The following CAB39L variants were observed in gnomAD, a reference collection of about 807,000 sequenced individuals.
CAB39L encodes the protein calcium-binding protein 39-like.
A neutral mutation model predicts 39.1 loss-of-function variants in CAB39L; 23 were observed. The observed-to-expected ratio is 0.59, with a 90% CI of 0.42 to 0.83. CAB39L has a LOEUF of 0.83. CAB39L is among the 40% of genes least tolerant of loss of function. CAB39L has a pLI of 0.00. For missense variants in CAB39L, 366 were observed against 391.9 expected (o/e 0.93, Z 0.56); for synonymous variants, 126 against 137.2 (o/e 0.92, Z 0.57).
At chr13:49,320,136 C>A (rs1954301370) in intron 10 of CAB39L, among the ~76,000 whole-genome samples, 1 of 152,122 alleles carries the variant, frequency 6.6e-6, no homozygotes, top group African/African-American at 2.4e-5. Flanking sequence ...CTTGGGGCAG[C>A]CAGGACACTG....
chr13:49,389,747 T>G (rs938531865), intron 3 of CAB39L, among the ~76,000 whole-genome samples: 2 of 152,190 alleles, frequency 1.3e-5, no homozygotes, highest in African/African-American at 2.4e-5. Context: ...TTTATTCCAG[T>G]TTATACTTTC....
At chr13:49,362,559 G>GAA (rs1006522196) in intron 5 of CAB39L, among the ~76,000 whole-genome samples, 1 of 150,986 alleles carries the variant, frequency 6.6e-6, no homozygotes, top group Non-Finnish European at 1.5e-5. Context: ...GGAGACAAAA[G>GAA]AAAAAAGAAT....
chr13:49,321,781 G>A (rs1254542307), intron 10 of CAB39L, among the ~76,000 whole-genome samples: 8 of 152,252 alleles, frequency 5.3e-5, no homozygotes, highest in East Asian at 1.9e-4. Context: ...AAATGGGAAC[G>A]CCTTCTTTCC....
chr13:49,404,599 T>C (rs1041141346), intron 3 of CAB39L, among the ~76,000 whole-genome samples: 4 of 152,200 alleles, frequency 2.6e-5, no homozygotes, highest in Admixed American at 6.5e-5. Flanking sequence ...AAGGAACCAG[T>C]GACCAATTCT....
In CAB39L at chr13:49,310,651, A is replaced by G; in HGVS notation, c.*163T>C. The G allele has an allele frequency of 3.5e-6, 2 of 573,288 alleles. No homozygotes were observed. The highest frequency in any genetic ancestry group is 5.6e-5 in the East Asian group (2 of 35,426). 35.5% of individuals were successfully genotyped at this position (573,288 alleles called of 1,614,324 possible). A position where few individuals can be genotyped will look rare whatever the true frequency, so the allele number is the denominator to read the frequency against. On this transcript the variant is annotated 3_prime_UTR_variant, in exon 11 of 11. Coordinates refer to ENST00000409308, the MANE Select transcript of CAB39L (RefSeq NM_001079670.3). ...AAAATGAATATATTATTCTAGGTTA[A>G]TTTTTTTCCATTCAAATGTTTATAC...
intron 3 of CAB39L, among the ~76,000 whole-genome samples, chr13:49,385,554 G>A (rs988337293): frequency 1.3e-5 from 2 of 152,160 alleles, no homozygotes; most frequent in East Asian, 1.9e-4. Flanking sequence ...GCCTACCTCC[G>A]CTCTGGATAT....
chr13:49,364,555 C>G (rs1426331795), intron 5 of CAB39L, among the ~76,000 whole-genome samples: 2 of 151,988 alleles, frequency 1.3e-5, no homozygotes, highest in African/African-American at 4.8e-5. Flanking sequence ...AAAGACTCCA[C>G]AAAAAAACTA....
intron 3 of CAB39L, among the ~76,000 whole-genome samples, chr13:49,429,645 T>C (rs561045451): frequency 1.3e-5 from 2 of 152,368 alleles, no homozygotes; most frequent in South Asian, 4.1e-4. Flanking sequence ...TAATATAGTT[T>C]AGTTAACTAA....
chr13:49,357,211 G>A (rs1255257679), intron 6 of CAB39L, among the ~76,000 whole-genome samples: 1 of 152,148 alleles, frequency 6.6e-6, no homozygotes, highest in Admixed American at 6.5e-5. Flanking sequence ...GGGATTTAGT[G>A]TCAGATCTGC....
intron 5 of CAB39L, 33 bp from the exon 6 acceptor site, chr13:49,359,865 C>A (rs1387105530): frequency 8.6e-7 from 1 of 1,163,720 alleles, no homozygotes. Flanking sequence ...TTAAATTGTA[C>A]ACTCTAAATG....
At chr13:49,421,194 C>T (rs1048353738) in intron 3 of CAB39L, among the ~76,000 whole-genome samples, 26 of 152,274 alleles carry the variant, frequency 1.7e-4, no homozygotes, top group African/African-American at 5.8e-4. Flanking sequence ...ACTGCCTCCC[C>T]TCTCTGCCCG....
In CAB39L at chr13:49,382,805, C is replaced by A; in HGVS notation, c.106G>T (p.Asp36Tyr). Residue 36 changes from aspartate to tyrosine, a missense_variant, in exon 4 of 11, where the codon GAC becomes TAC. By Grantham distance (160) the Asp-to-Tyr change is radical (BLOSUM62 -3). Coordinates refer to ENST00000409308, the MANE Select transcript of CAB39L (RefSeq NM_001079670.3). ...GTTACTGTTTTAGCTCTTACCTTGT[C>A]TGTCTTTTTGTCTTGCTTTTCCAAA... ...AILEKQDKKT[D>Y]KASEEVSKSL... 6.3e-7 allele frequency: 1 copy of A among 1,591,258 alleles called. No homozygotes were observed. The highest frequency in any genetic ancestry group is 1.1e-5 in the South Asian group (1 of 89,942).
chr13:49,391,575 G>C (rs531644210), intron 3 of CAB39L, among the ~76,000 whole-genome samples: 31 of 152,120 alleles, frequency 2.0e-4, no homozygotes, highest in Non-Finnish European at 4.4e-4. Flanking sequence ...GAAAAGGATA[G>C]AAATAATGAT....
intron 10 of CAB39L, among the ~76,000 whole-genome samples, chr13:49,325,141 A>G (rs1252094513): frequency 6.6e-6 from 1 of 152,224 alleles, no homozygotes; most frequent in African/African-American, 2.4e-5. Context: ...CATAGAGTTG[A>G]TTGTTTTATG....
At chr13:49,415,734 G>A (rs550280829) in intron 3 of CAB39L, among the ~76,000 whole-genome samples, 1 of 152,152 alleles carries the variant, frequency 6.6e-6, no homozygotes, top group African/African-American at 2.4e-5. Context: ...TGAGCTTTGT[G>A]AGGGCAGGAT....
chr13:49,429,696 C>T lies in CAB39L; in HGVS notation c.-32+3622G>A, dbSNP rs565139006. On this transcript the variant is annotated intron_variant, in intron 3 of 10. Transcript: ENST00000409308. ...GAGTATACCATGAGGTTCACCAAAA[C>T]CTCACCATCCCCAAGTACCTCGTTG... Among the ~76,000 whole-genome samples the T allele has an allele frequency of 2.0e-5, 3 of 152,264 alleles. No individual in the cohort carries two copies. In the South Asian group the frequency reaches 6.2e-4, roughly 32 times the overall value.
intron 8 of CAB39L, among the ~76,000 whole-genome samples, chr13:49,341,412 C>G (rs1382872034): frequency 1.3e-5 from 2 of 152,114 alleles, no homozygotes; most frequent in East Asian, 3.9e-4. Flanking sequence ...GCCACCACAT[C>G]TGGCTAATTT....
intron 5 of CAB39L, among the ~76,000 whole-genome samples, chr13:49,366,710 T>G (rs1955783661): frequency 6.7e-6 from 1 of 149,154 alleles, no homozygotes; most frequent in African/African-American, 2.5e-5. Flanking sequence ...CCAAAAAACT[T>G]AATAGTATGA....
chr13:49,413,718 A>G (rs74073716), intron 3 of CAB39L: 116 of 152,194 alleles, frequency 7.6e-4, no homozygotes, highest in African/African-American at 2.7e-3. Context: ...TTCAACCAAT[A>G]CTCACCCTTT....
Sources: allele counts gnomAD v4.1 joint callset (sites outside exome capture counted in the v4.1 genomes callset), GRCh38; gene constraint gnomAD v4.1.1; transcripts MANE v1.5; gene names NCBI Gene and HGNC (gene_info 2026-07-23, HGNC 2026-07-21).